Variants in MNT observed in about 807,000 individuals in gnomAD.
MNT encodes max-binding protein MNT.
Under a neutral mutation model 40.7 loss-of-function variants are expected in MNT, and 13 were observed. That is an observed-to-expected ratio of 0.32 (90% CI 0.21 to 0.51). The LOEUF is 0.51. Among genes scored for constraint, MNT ranks in the 20% least tolerant of loss-of-function variants. The pLI is 0.98. For missense variants in MNT, 757 were observed against 792.0 expected, an observed-to-expected ratio of 0.96 and a Z score of 0.53; for synonymous variants, 426 against 354.8, an observed-to-expected ratio of 1.20 and a Z score of -2.26.
intron 4 of MNT, among the ~76,000 whole-genome samples, chr17:2,393,127 G>C (rs1275056112): frequency 1.4e-5 from 2 of 142,848 alleles, no homozygotes; most frequent in Non-Finnish European, 3.0e-5. Context: ...GGAGAGTCCC[G>C]GCTCGCCGCC....
chr17:2,393,731 G>A (rs978108543), intron 4 of MNT: 3 of 161,016 alleles, frequency 1.9e-5, no homozygotes, highest in Middle Eastern at 2.8e-3. Context: ...ACCAACACGC[G>A]CGAACGGGAG....
At chr17:2,393,295 C>T (rs2066539940) in intron 4 of MNT, among the ~76,000 whole-genome samples, 1 of 152,066 alleles carries the variant, frequency 6.6e-6, no homozygotes, top group Non-Finnish European at 1.5e-5. Context: ...CCATGGCAAC[C>T]GCCTGACGTG....
At chr17:2,390,995 TTTC>T (rs1301203450) in intron 4 of MNT, 1 of 152,252 alleles carries the variant, frequency 6.6e-6, no homozygotes, top group Admixed American at 6.5e-5. Context: ...CTGTGTGGCT[TTTC>T]TTTTTTTGGA....
rs1269937142 is a variant in MNT at position 2,385,396 on chromosome 17, T to A, written c.*1505A>T. On this transcript the variant is annotated 3_prime_UTR_variant, in exon 6 of 6. Coordinates refer to ENST00000174618, the MANE Select transcript of MNT (RefSeq NM_020310.3). ...GAGCTTCACATCCAGGGACACCGGCTTCCTCCCGCTACACTGAAAGGCCAC... is the reference window on the plus strand; with the variant it reads ...GAGCTTCACATCCAGGGACACCGGCATCCTCCCGCTACACTGAAAGGCCAC... 1 of 151,592 alleles carries A rather than the reference T, an allele frequency of 6.6e-6. No homozygotes were observed. The highest frequency in any genetic ancestry group is 1.5e-5 in the Non-Finnish European group (1 of 67,956). The allele number at this position is 151,592 out of a possible 1,614,324, so 9.4% of individuals were successfully genotyped here. A position where few individuals can be genotyped will look rare whatever the true frequency, so the allele number is the denominator to read the frequency against.
chr17:2,388,627 A>C (rs1406768247), intron 4 of MNT, among the ~76,000 whole-genome samples: 1 of 151,728 alleles, frequency 6.6e-6, no homozygotes, highest in Non-Finnish European at 1.5e-5. Flanking sequence ...CTCCATTTAC[A>C]TGCTGCTCCC....
chr17:2,394,426 A>G, intron 2 of MNT, 80 bp from the exon 3 acceptor site: 1 of 1,598,760 alleles, frequency 6.3e-7, no homozygotes, highest in Non-Finnish European at 8.5e-7. Context: ...CACCCGCAAA[A>G]TTGCCACAGG....
At chr17:2,399,416 G>T (rs748929024) in intron 1 of MNT, among the ~76,000 whole-genome samples, 5 of 152,322 alleles carry the variant, frequency 3.3e-5, no homozygotes, top group Admixed American at 6.5e-5. Context: ...ATGCCAGGGG[G>T]CATAGTTGGA....
rs745854896 is a variant in MNT at position 2,395,338 on chromosome 17, G to C, written c.190C>G (p.Pro64Ala). 2 of 1,612,052 alleles carry C rather than the reference G, an allele frequency of 1.2e-6. No individual in the cohort carries two copies. Among genetic ancestry groups the C allele is most frequent in the Non-Finnish European group, 1.7e-6 (2 of 1,179,470 alleles). Residue 64 changes from proline (P) to alanine (A), a missense_variant, in exon 2 of 6, where the codon CCC becomes GCC. This residue lies in a region of MNT where 335 missense variants were observed against 291.4 expected (regional missense o/e 1.15). Coordinates refer to ENST00000174618, the MANE Select transcript of MNT (RefSeq NM_020310.3). ...GGAGCCGGTGGAGACAGAGGCAGGG[G>C]TGGCGCCTCCATGCGGGGTTCCTCC... ...PVEEPRMEAP[P>A]LPLSPPAPPP... is the part of the protein sequence containing the mutation.
rs1189753161 is a variant in MNT at position 2,384,620 on chromosome 17, G to C, written c.*2281C>G. 2.6e-5 allele frequency: 4 copies of C among 153,746 alleles called. No homozygotes were observed. The highest frequency in any genetic ancestry group is 4.8e-5 in the African/African-American group (2 of 41,322). 9.5% of individuals were successfully genotyped at this position (153,746 alleles called of 1,614,324 possible). On this transcript the variant is annotated 3_prime_UTR_variant, in exon 6 of 6. Transcript: ENST00000174618. ...TGCGTGTGTGTGTGTGTGTGTGTGT[G>C]TGTGTGTCCCAGGCTGGAAGGGCTA...
Position 2,384,763 on chromosome 17 carries a change from C to A in MNT, c.*2138G>T, listed in dbSNP as rs2066443663. Reference sequence around the variant, plus strand: ...CTGCCCACTTGGGCACACAGCATCACAGCGTTCACAAACGACAAGAAAAAC... The same window carrying A: ...CTGCCCACTTGGGCACACAGCATCAAAGCGTTCACAAACGACAAGAAAAAC... On this transcript the variant is annotated 3_prime_UTR_variant, in exon 6 of 6. Transcript: ENST00000174618. 6.5e-6 allele frequency: 1 copy of A among 152,696 alleles called. No homozygotes were observed. The highest frequency in any genetic ancestry group is 2.4e-5 in the African/African-American group (1 of 41,422). 9.5% of individuals were successfully genotyped at this position (152,696 alleles called of 1,614,324 possible). A position where few individuals can be genotyped will look rare whatever the true frequency, so the allele number is the denominator to read the frequency against.
Position 2,395,466 on chromosome 17 carries a change from G to T in MNT, c.74-12C>A. ...CCGCTCCTGCTCCTCTACACAGAGA[G>T]AACACAAGGGGGGGAGGGTCTCAGC... On this transcript the variant is annotated splice_polypyrimidine_tract_variant and intron_variant, in intron 1 of 5. Transcript: ENST00000174618. 1 of 1,609,594 alleles carries T rather than the reference G, an allele frequency of 6.2e-7. No homozygotes were observed.
In MNT at chr17:2,395,163, G is replaced by A. The variant is rs1413312272; in HGVS notation, c.365C>T (p.Ala122Val). 2 of 1,457,748 alleles carry A rather than the reference G, an allele frequency of 1.4e-6. No individual in the cohort carries two copies. The highest frequency in any genetic ancestry group is 2.5e-5 in the East Asian group (1 of 40,642). The allele number at this position is 1,457,748 out of a possible 1,614,324, so 90.3% of individuals were successfully genotyped here. A position where few individuals can be genotyped will look rare whatever the true frequency, so the allele number is the denominator to read the frequency against. ...QPLPLAPRQPALVGAPGLSIK... is the reference protein window; with the variant it reads ...QPLPLAPRQPVLVGAPGLSIK... ...GCTGAGTCCGGGGGCGCCAACCAGGGCCGGCTGACGAGGCGCCAGGGGCAG... is the reference window on the plus strand; with the variant it reads ...GCTGAGTCCGGGGGCGCCAACCAGGACCGGCTGACGAGGCGCCAGGGGCAG... The change falls in exon 2 of 6, where the codon GCC becomes GTC. Residue 122 changes from alanine (A) to valine (V), a missense_variant. Ala to Val is a moderately conservative substitution (Grantham distance 64, BLOSUM62 0). Transcript: ENST00000174618.
chr17:2,387,897 GC>G lies in MNT; in HGVS notation c.959del (p.Gly320AlafsTer20). On this transcript the variant is annotated frameshift_variant, in exon 5 of 6. Coordinates refer to ENST00000174618, the MANE Select transcript of MNT (RefSeq NM_020310.3). LOFTEE classifies it high-confidence loss of function. The stretch of plus-strand genomic sequence containing the variant: ...TGGAGGCCTGGTCATCCTCGGGCTG[GC>G]CCGTCTGCCGCAGCACGCGGTCAAT... ...LEIDRVLRQTGQPEDDQASTS... is the reference protein window; with the variant it reads ...LEIDRVLRQTXQPEDDQASTS... 6.2e-7 allele frequency: 1 copy of G among 1,604,498 alleles called. No individual in the cohort carries two copies.
chr17:2,387,896 G>T lies in MNT; in HGVS notation c.961C>A (p.Gln321Lys), dbSNP rs751500365. Residue 321 changes from glutamine (Q) to lysine (K), a missense_variant, in exon 5 of 6, where the codon CAG becomes AAG. Coordinates refer to ENST00000174618, the MANE Select transcript of MNT (RefSeq NM_020310.3). ...GTGGAGGCCTGGTCATCCTCGGGCT[G>T]GCCCGTCTGCCGCAGCACGCGGTCA... ...EIDRVLRQTG[Q>K]PEDDQASTST... The T allele has an allele frequency of 3.4e-5, 54 of 1,604,542 alleles. No individual in the cohort carries two copies. The highest frequency in any genetic ancestry group is 4.5e-5 in the Non-Finnish European group (53 of 1,179,060).
intron 1 of MNT, among the ~76,000 whole-genome samples, chr17:2,399,651 C>A (rs895849188): frequency 5.9e-5 from 9 of 152,090 alleles, no homozygotes; most frequent in Non-Finnish European, 1.2e-4. Flanking sequence ...CAGCCCCGCC[C>A]AGGCCCCGCC....
At chr17:2,394,198 G>C in intron 3 of MNT, 44 bp from the exon 4 acceptor site, 1 of 1,602,674 alleles carries the variant, frequency 6.2e-7, no homozygotes, top group South Asian at 1.1e-5. Flanking sequence ...CTGGGGCGGG[G>C]CTGGGACGGG....
chr17:2,395,476 G>T lies in MNT; in HGVS notation c.74-22C>A, dbSNP rs200627599. The T allele has an allele frequency of 2.7e-5, 44 of 1,608,566 alleles. 1 individual carries two copies. The highest frequency in any genetic ancestry group is 2.4e-4 in the African/African-American group (18 of 74,868). ...TCCTCTACACAGAGAGAACACAAGGGGGGGAGGGTCTCAGCGGGGCCCCAG... is the reference window on the plus strand; with the variant it reads ...TCCTCTACACAGAGAGAACACAAGGTGGGGAGGGTCTCAGCGGGGCCCCAG... On this transcript the variant is annotated intron_variant, in intron 1 of 5. Coordinates refer to ENST00000174618, the MANE Select transcript of MNT (RefSeq NM_020310.3).
At chr17:2,394,368 G>A in intron 2 of MNT, 22 bp from the exon 3 acceptor site, 3 of 1,613,462 alleles carry the variant, frequency 1.9e-6, no homozygotes, top group South Asian at 1.1e-5. Flanking sequence ...ACAGATAGGA[G>A]GCTCAGGGAG....
intron 1 of MNT, among the ~76,000 whole-genome samples, chr17:2,397,054 G>C (rs2066583237): frequency 6.6e-6 from 1 of 152,212 alleles, no homozygotes; most frequent in Non-Finnish European, 1.5e-5. Flanking sequence ...CGAGGAGGAA[G>C]CGGAGGGGGA....
Sources: allele counts gnomAD v4.1 joint callset (sites outside exome capture counted in the v4.1 genomes callset), GRCh38; gene constraint gnomAD v4.1.1; regional missense constraint gnomAD v4.1.1; transcripts MANE v1.5; gene names NCBI Gene and HGNC (gene_info 2026-07-23, HGNC 2026-07-21).